The following PAPSS2 variants were observed in gnomAD, a reference collection of about 807,000 sequenced individuals.
PAPSS2 encodes 3'-phosphoadenosine 5'-phosphosulfate synthase 2, also known as bifunctional 3'-phosphoadenosine 5'-phosphosulfate synthase 2.
PAPSS2 carries 61 observed loss-of-function variants against 66.5 expected under a neutral mutation model. That is an observed-to-expected ratio of 0.92 (90% CI 0.75 to 1.14). The LOEUF (loss-of-function observed/expected upper bound fraction) is 1.14, where lower values mean the gene tolerates loss of function less well. Ranked by LOEUF, PAPSS2 falls within the 50% of genes most tolerant of loss-of-function variation. PAPSS2 has a pLI of 0.00. For synonymous variants in PAPSS2, 289 were observed against 287.5 expected (o/e 1.01, Z -0.05); for missense variants, 708 against 789.6 (o/e 0.90, Z 1.24).
Position 87,714,922 on chromosome 10 carries a change from G to A in PAPSS2, c.639+59G>A. The A allele has an allele frequency of 4.3e-6, 6 of 1,403,166 alleles. 1 individual carries two copies. Among genetic ancestry groups the A allele is most frequent in the South Asian group, 3.5e-5 (3 of 86,786 alleles). The allele number at this position is 1,403,166 out of a possible 1,614,324, so 86.9% of individuals were successfully genotyped here. On this transcript the variant is annotated intron_variant, in intron 5 of 12. Transcript: ENST00000456849. Reference sequence around the variant, plus strand: ...AATAAAATCATGAAAGACAATCTATGCCTCTTTACTGAAGCATTCTTTTTA... The same window carrying A: ...AATAAAATCATGAAAGACAATCTATACCTCTTTACTGAAGCATTCTTTTTA...
At chr10:87,704,335 G>A (rs142073208) in intron 1 of PAPSS2, among the ~76,000 whole-genome samples, 8 of 152,286 alleles carry the variant, frequency 5.3e-5, no homozygotes, top group East Asian at 1.9e-4. Context: ...TTCGAAAAAC[G>A]AAGAACTTGC....
At chr10:87,694,060 G>A (rs575381229) in intron 1 of PAPSS2, among the ~76,000 whole-genome samples, 3 of 152,248 alleles carry the variant, frequency 2.0e-5, no homozygotes, top group South Asian at 2.1e-4. Context: ...CAACAAATAT[G>A]TAATGAATAC....
At chr10:87,743,309 G>A (rs1853893467) in intron 10 of PAPSS2, 64 bp from the exon 11 acceptor site, 1 of 1,489,230 alleles carries the variant, frequency 6.7e-7, no homozygotes, top group Non-Finnish European at 9.3e-7. Context: ...TGTCCTTTCT[G>A]TTCTTGTGGA....
rs60791274 is a variant in PAPSS2, at chr10:87,725,884, T to TACACACACACACACACACACACACAC, written c.881-1394_881-1369dup. 2.7e-3 allele frequency among the ~76,000 whole-genome samples: 385 copies of TACACACACACACACACACACACACAC among 140,434 alleles called. 2 individuals carry two copies. The highest frequency in any genetic ancestry group is 4.1e-3 in the African/African-American group (150 of 36,914). 92.1% of individuals were successfully genotyped at this position (140,434 alleles called of 152,430 possible). A position where few individuals can be genotyped will look rare whatever the true frequency, so the allele number is the denominator to read the frequency against. Reference sequence around the variant, plus strand: ...CTAATTTAAAAAAAATATGTGTGTATACACACACACACACACACACACACA... The same window carrying TACACACACACACACACACACACACAC: ...CTAATTTAAAAAAAATATGTGTGTATACACACACACACACACACACACACACACACACACACACACACACACACACA... On this transcript the variant is annotated intron_variant, in intron 8 of 12. Coordinates refer to ENST00000456849, the MANE Select transcript of PAPSS2 (RefSeq NM_001015880.2).
intron 4 of PAPSS2, 122 bp from the exon 5 acceptor site, chr10:87,714,623 C>T (rs1009324925): frequency 1.9e-5 from 14 of 755,370 alleles, no homozygotes; most frequent in African/African-American, 1.2e-4. Context: ...GCTGTTTGAC[C>T]TTTTCTGTTA....
chr10:87,728,191 T>C (rs1490170852), intron 9 of PAPSS2, among the ~76,000 whole-genome samples: 1 of 152,174 alleles, frequency 6.6e-6, no homozygotes, highest in Admixed American at 6.5e-5. Context: ...TTTATTAAGT[T>C]GCTGGCTGTG....
At chr10:87,703,685 C>A in intron 1 of PAPSS2, 1 of 516,164 alleles carries the variant, frequency 1.9e-6, no homozygotes, top group Non-Finnish European at 3.9e-6. Context: ...AAATCCAGGT[C>A]TGCTTGACTC....
At chr10:87,721,967 C>T (rs1005857693) in intron 8 of PAPSS2, among the ~76,000 whole-genome samples, 197 bp downstream of exon 8, 6 of 152,146 alleles carry the variant, frequency 3.9e-5, no homozygotes, top group African/African-American at 1.4e-4. Flanking sequence ...GGAAATTTCC[C>T]AACCAGATGT....
At chr10:87,703,617 C>T in intron 1 of PAPSS2, 1 of 444,420 alleles carries the variant, frequency 2.3e-6, no homozygotes, top group Non-Finnish European at 4.4e-6. Context: ...TAAGGAGGTT[C>T]AGAGATGTTA....
chr10:87,729,871 C>T (rs761465661), intron 9 of PAPSS2, among the ~76,000 whole-genome samples: 1 of 152,080 alleles, frequency 6.6e-6, no homozygotes, highest in Non-Finnish European at 1.5e-5. Flanking sequence ...TGGTGCATGC[C>T]TGTAATCCCA....
chr10:87,689,648 C>G (rs11202510), intron 1 of PAPSS2, among the ~76,000 whole-genome samples: 1 of 115,370 alleles, frequency 8.7e-6, no homozygotes, highest in Admixed American at 1.0e-4. Context: ...GCCTGGGCAA[C>G]AAGAGCGAAA....
intron 1 of PAPSS2, among the ~76,000 whole-genome samples, chr10:87,708,739 A>T (rs1037013721): frequency 6.6e-6 from 1 of 152,242 alleles, no homozygotes; most frequent in African/African-American, 2.4e-5. Flanking sequence ...TTCTAAATTA[A>T]TAGAATTAAT....
At chr10:87,707,511 C>T (rs181911443) in intron 1 of PAPSS2, among the ~76,000 whole-genome samples, 7 of 151,066 alleles carry the variant, frequency 4.6e-5, no homozygotes, top group Non-Finnish European at 8.8e-5. Flanking sequence ...TCTATTTTCC[C>T]GAAGTTTCTA....
intron 1 of PAPSS2, among the ~76,000 whole-genome samples, chr10:87,676,074 T>C (rs1249822975): frequency 3.6e-5 from 4 of 110,482 alleles, no homozygotes; most frequent in African/African-American, 1.2e-4. Flanking sequence ...AAATATTCCA[T>C]GAGGAATGTA....
At chr10:87,675,976 T>TC (rs1388958112) in intron 1 of PAPSS2, among the ~76,000 whole-genome samples, 1 of 144,468 alleles carries the variant, frequency 6.9e-6, no homozygotes, top group African/African-American at 2.5e-5. Flanking sequence ...CATTTCTTTT[T>TC]TTTTTTTTTT....
intron 1 of PAPSS2, among the ~76,000 whole-genome samples, chr10:87,701,434 T>TCTC: frequency 9.3e-6 from 1 of 107,824 alleles, no homozygotes; most frequent in East Asian, 3.7e-4. Flanking sequence ...CTCTCTCTCT[T>TCTC]TCTTTCAGAC....
chr10:87,727,685 G>A (rs1000352626), intron 9 of PAPSS2, among the ~76,000 whole-genome samples, 196 bp downstream of exon 9: 2 of 152,210 alleles, frequency 1.3e-5, no homozygotes, highest in Non-Finnish European at 2.9e-5. Context: ...TCTGTTTGAG[G>A]TCTGGTCTCA....
At position 87,745,096 on chromosome 10, in the gene PAPSS2, A is replaced by C; in HGVS notation, c.1586A>C (p.Lys529Thr). The C allele has an allele frequency of 6.2e-7, 1 of 1,614,154 alleles. No homozygotes were observed. Among genetic ancestry groups the C allele is most frequent in the South Asian group, 1.1e-5 (1 of 91,080 alleles). Reference sequence around the variant, plus strand: ...GGAATGCCCCATCCTGAAACCAAGAAGGATCTGTATGAACCCACTCATGGG... The same window carrying C: ...GGAATGCCCCATCCTGAAACCAAGACGGATCTGTATGAACCCACTCATGGG... ...PAGMPHPETK[K>T]DLYEPTHGGK... The change falls in exon 12 of 13, where the codon AAG becomes ACG. Residue 529 changes from lysine to threonine, a missense_variant. Coordinates refer to ENST00000456849, the MANE Select transcript of PAPSS2 (RefSeq NM_001015880.2).
At position 87,745,034 on chromosome 10, in the gene PAPSS2, G is replaced by C. The variant is rs142268621; in HGVS notation, c.1524G>C (p.Ala508=). 2 of 1,614,074 alleles carry C rather than the reference G, an allele frequency of 1.2e-6. No individual in the cohort carries two copies. The highest frequency in any genetic ancestry group is 1.7e-5 in the Admixed American group (1 of 60,004). Residue 508 remains alanine, a synonymous_variant, in exon 12 of 13, where the codon GCG becomes GCC. Coordinates refer to ENST00000456849, the MANE Select transcript of PAPSS2 (RefSeq NM_001015880.2). ...VQWHCRSRMI[A]GANFYIVGRD... ...GGCACTGCAGGTCCCGGATGATTGC[G>C]GGTGCCAATTTCTACATTGTGGGGA...
Sources: allele counts gnomAD v4.1 joint callset (sites outside exome capture counted in the v4.1 genomes callset), GRCh38; gene constraint gnomAD v4.1.1; transcripts MANE v1.5; gene names NCBI Gene and HGNC (gene_info 2026-07-23, HGNC 2026-07-21).